ROBO1: variants seen among roughly 807,000 people sequenced by gnomAD.
ROBO1 encodes roundabout homolog 1.
A neutral mutation model predicts 195.9 loss-of-function variants in ROBO1; 149 were observed. The ratio of observed to expected loss-of-function variants is 0.76; its 90% CI spans 0.67 to 0.87. The LOEUF is 0.87. Among genes scored for constraint, ROBO1 ranks in the 40% least tolerant of loss-of-function variants. ROBO1 has a pLI of 0.00. For synonymous variants in ROBO1, 816 were observed against 733.2 expected (o/e 1.11, Z -1.82); for missense variants, 1,933 against 2,068.3 (o/e 0.93, Z 1.27).
At chr3:79,052,396 G>A (rs966063692) in intron 3 of ROBO1, among the ~76,000 whole-genome samples, 7 of 152,028 alleles carry the variant, frequency 4.6e-5, no homozygotes, top group African/African-American at 1.4e-4. Context: ...ATGACAATGT[G>A]TGCTCAGCAG....
chr3:79,675,804 T>C (rs1156425768), intron 1 of ROBO1, among the ~76,000 whole-genome samples: 1 of 152,094 alleles, frequency 6.6e-6, no homozygotes. Context: ...AATGACTGTG[T>C]AGTGTCACAG....
chr3:79,684,197 T>C (rs778401894), intron 1 of ROBO1, among the ~76,000 whole-genome samples: 15 of 152,180 alleles, frequency 9.9e-5, no homozygotes, highest in Non-Finnish European at 1.9e-4. Flanking sequence ...TCCCTAATGA[T>C]TAAAGATGTT....
chr3:79,437,574 T>C (rs1400539210), intron 2 of ROBO1, among the ~76,000 whole-genome samples: 1 of 152,058 alleles, frequency 6.6e-6, no homozygotes, highest in Non-Finnish European at 1.5e-5. Flanking sequence ...AGTTGAGACA[T>C]ATTAATACAA....
In ROBO1 at chr3:79,662,997, G is replaced by A. The variant is rs548667190; in HGVS notation, c.-50-73036C>T. Among the ~76,000 whole-genome samples the A allele has an allele frequency of 2.6e-5, 4 of 151,958 alleles. No homozygotes were observed. In the East Asian group the frequency reaches 7.7e-4, roughly 29 times the overall value. On this transcript the variant is annotated intron_variant, in intron 1 of 30. Coordinates refer to ENST00000464233, the MANE Select transcript of ROBO1 (RefSeq NM_002941.4). ...TTATTGACTGCTAGGCACACACAAA[G>A]AATCACATATAAATTTGATGTTAGA...
chr3:79,642,955 A>T (rs912491227), intron 1 of ROBO1, among the ~76,000 whole-genome samples: 1 of 152,126 alleles, frequency 6.6e-6, no homozygotes, highest in Non-Finnish European at 1.5e-5. Flanking sequence ...GATTGGGTTG[A>T]AGGATGCAAA....
At chr3:79,736,344 G>C (rs1703388330) in intron 1 of ROBO1, among the ~76,000 whole-genome samples, 1 of 152,158 alleles carries the variant, frequency 6.6e-6, no homozygotes, top group African/African-American at 2.4e-5. Flanking sequence ...AAGTCTCAGG[G>C]GCAATGGTAA....
At chr3:79,406,407 G>C (rs1290612744) in intron 2 of ROBO1, among the ~76,000 whole-genome samples, 1 of 150,416 alleles carries the variant, frequency 6.6e-6, no homozygotes, top group African/African-American at 2.4e-5. Flanking sequence ...CCCCAGACTG[G>C]GTGGCAGAGA....
chr3:79,364,946 T>C (rs909524949), intron 2 of ROBO1, among the ~76,000 whole-genome samples: 2 of 152,176 alleles, frequency 1.3e-5, no homozygotes, highest in South Asian at 2.1e-4. Flanking sequence ...TAGTTCTCTT[T>C]GGGGAATACC....
chr3:78,782,922 T>C (rs1328583223), intron 4 of ROBO1, among the ~76,000 whole-genome samples: 1 of 152,206 alleles, frequency 6.6e-6, no homozygotes, highest in Non-Finnish European at 1.5e-5. Flanking sequence ...GTATGCCTGT[T>C]GAATAAACTC....
chr3:79,462,677 A>G (rs1384719004), intron 2 of ROBO1, among the ~76,000 whole-genome samples: 5 of 152,246 alleles, frequency 3.3e-5, no homozygotes, highest in Non-Finnish European at 5.9e-5. Flanking sequence ...CCTTCAGTGC[A>G]CCATTAGGGA....
At chr3:79,081,985 T>C (rs1410572868) in intron 3 of ROBO1, among the ~76,000 whole-genome samples, 1 of 152,166 alleles carries the variant, frequency 6.6e-6, no homozygotes, top group Non-Finnish European at 1.5e-5. Context: ...TTTTCTTAAA[T>C]GGGATGTTTT....
chr3:79,574,120 G>C (rs1486532523), intron 2 of ROBO1, among the ~76,000 whole-genome samples: 1 of 151,970 alleles, frequency 6.6e-6, no homozygotes, highest in Admixed American at 6.6e-5. Flanking sequence ...TCGCTTATAA[G>C]TGTTGTTGTC....
intron 2 of ROBO1, among the ~76,000 whole-genome samples, chr3:79,548,854 T>C (rs1396253438): frequency 6.6e-6 from 1 of 152,146 alleles, no homozygotes; most frequent in Non-Finnish European, 1.5e-5. Context: ...GCTTGCTCCA[T>C]CATTGAGCAG....
chr3:78,882,976 C>T (rs2036276394), intron 4 of ROBO1, among the ~76,000 whole-genome samples: 1 of 151,906 alleles, frequency 6.6e-6, no homozygotes, highest in African/African-American at 2.4e-5. Flanking sequence ...CCACACCAGG[C>T]TAATTTTTGT....
intron 2 of ROBO1, among the ~76,000 whole-genome samples, chr3:79,298,728 A>G (rs539878550): frequency 2.6e-4 from 39 of 151,364 alleles, no homozygotes; most frequent in African/African-American, 8.7e-4. Flanking sequence ...AGATATTACA[A>G]GTACAAGTTC....
chr3:78,725,934 ATTT>A (rs5850389), intron 5 of ROBO1, among the ~76,000 whole-genome samples: 7 of 147,558 alleles, frequency 4.7e-5, no homozygotes, highest in African/African-American at 1.5e-4. Flanking sequence ...TTACACAGGA[ATTT>A]TTTTTTTTTT....
At chr3:79,236,185 T>C (rs2082404037) in intron 2 of ROBO1, among the ~76,000 whole-genome samples, 1 of 152,108 alleles carries the variant, frequency 6.6e-6, no homozygotes. Flanking sequence ...AGCAAACTAA[T>C]AAAAATGAAA....
chr3:78,925,463 A>G (rs2039157682), intron 4 of ROBO1, among the ~76,000 whole-genome samples: 1 of 152,230 alleles, frequency 6.6e-6, no homozygotes, highest in South Asian at 2.1e-4. Flanking sequence ...AATGAGGCAT[A>G]AGGCCGAGCA....
intron 3 of ROBO1, chr3:79,018,733 C>G: frequency 8.1e-7 from 1 of 1,228,482 alleles, no homozygotes; most frequent in Non-Finnish European, 1.0e-6. Flanking sequence ...CCATCCAAAG[C>G]GAACAACAAA....
Sources: gnomAD v4.1 joint callset for allele counts (sites outside exome capture counted in the v4.1 genomes callset) on GRCh38, gnomAD v4.1.1 for gene constraint, MANE v1.5 for transcripts, NCBI Gene and HGNC (gene_info 2026-07-23, HGNC 2026-07-21) for gene names.